Variants in TPX2 observed in about 807,000 individuals in gnomAD.
TPX2 encodes the protein TPX2 microtubule nucleation factor.
Under a neutral mutation model 93.6 loss-of-function variants are expected in TPX2, and 21 were observed. The ratio of observed to expected loss-of-function variants is 0.22; its 90% CI spans 0.16 to 0.32. The LOEUF is 0.32. TPX2 is among the 10% of genes least tolerant of loss of function. The pLI is 1.00. For missense variants in TPX2, 776 were observed against 871.1 expected (o/e 0.89, Z 1.37); for synonymous variants, 281 against 298.3 (o/e 0.94, Z 0.60).
chr20:31,782,439 C>G, intron 11 of TPX2, 49 bp downstream of exon 11: 1 of 1,554,974 alleles, frequency 6.4e-7, no homozygotes, highest in Non-Finnish European at 8.7e-7. Context: ...AACCTGCCTA[C>G]TTTATTTTCA....
chr20:31,789,955 C>A (rs914617138), intron 12 of TPX2, among the ~76,000 whole-genome samples: 10 of 152,274 alleles, frequency 6.6e-5, no homozygotes, highest in Non-Finnish European at 1.2e-4. Context: ...TATTAAAAAA[C>A]CCCAAGGCCT....
At chr20:31,775,820 G>C in intron 7 of TPX2, 47 bp from the exon 8 acceptor site, 1 of 1,425,474 alleles carries the variant, frequency 7.0e-7, no homozygotes, top group Non-Finnish European at 9.2e-7. Flanking sequence ...GAGTCACTGG[G>C]TGCCTTTCTC....
At chr20:31,748,765 TA>T (rs2061799823) in intron 2 of TPX2, among the ~76,000 whole-genome samples, 1 of 152,190 alleles carries the variant, frequency 6.6e-6, no homozygotes, top group Non-Finnish European at 1.5e-5. Context: ...TCCTTGTTTA[TA>T]AAATGGTGAT....
intron 1 of TPX2, among the ~76,000 whole-genome samples, chr20:31,741,600 TCCCAAGTAGCTGG>T (rs1174126659): frequency 2.0e-5 from 3 of 152,290 alleles, no homozygotes; most frequent in African/African-American, 4.8e-5. Flanking sequence ...TGCCTCAGCC[TCCCAAGTAGCTGG>T]GACTACAGGC....
At chr20:31,743,822 G>A (rs1162324820) in intron 2 of TPX2, among the ~76,000 whole-genome samples, 2 of 151,552 alleles carry the variant, frequency 1.3e-5, no homozygotes, top group African/African-American at 2.4e-5. Context: ...CGCCTCCCAG[G>A]TTCAGGCGAT....
At chr20:31,759,974 C>CTTT in intron 3 of TPX2, 83 bp from the exon 4 acceptor site, 1 of 1,566,712 alleles carries the variant, frequency 6.4e-7, no homozygotes, top group Non-Finnish European at 8.6e-7. Context: ...TGGTAGGGAG[C>CTTT]TTTAGTTTGC....
chr20:31,749,221 C>T (rs2061803232), intron 2 of TPX2, among the ~76,000 whole-genome samples: 1 of 152,134 alleles, frequency 6.6e-6, no homozygotes, highest in Admixed American at 6.5e-5. Flanking sequence ...GCTGGGATTA[C>T]AGGCGTGAGC....
chr20:31,765,600 T>C (rs902963325), intron 4 of TPX2, among the ~76,000 whole-genome samples: 49 of 152,144 alleles, frequency 3.2e-4, no homozygotes, highest in African/African-American at 1.1e-3. Flanking sequence ...CTATTTTAAC[T>C]TGTGCTGTGG....
intron 3 of TPX2, among the ~76,000 whole-genome samples, chr20:31,758,200 G>A (rs952574329): frequency 1.0e-4 from 15 of 144,432 alleles, no homozygotes; most frequent in Admixed American, 7.3e-5. Flanking sequence ...TCAGCTCACT[G>A]TAACCTCCGC....
chr20:31,781,211 ATTCTGT>A (rs2123053971), intron 10 of TPX2, among the ~76,000 whole-genome samples: 1 of 147,888 alleles, frequency 6.8e-6, no homozygotes, highest in East Asian at 2.0e-4. Flanking sequence ...GGTTTGAGCC[ATTCTGT>A]TCAGGCTTTA....
At chr20:31,769,220 AC>A (rs1484187612) in intron 5 of TPX2, among the ~76,000 whole-genome samples, 3 of 150,130 alleles carry the variant, frequency 2.0e-5, no homozygotes, top group Non-Finnish European at 3.0e-5. Context: ...AAAAAAAAAA[AC>A]CACAAAATTT....
intron 7 of TPX2, among the ~76,000 whole-genome samples, chr20:31,773,776 T>C (rs918389664): frequency 6.6e-6 from 1 of 152,250 alleles, no homozygotes; most frequent in Admixed American, 6.5e-5. Flanking sequence ...AGTGATGTTA[T>C]GATTCATGAC....
At chr20:31,799,398 ATATAT>A (rs1285846335) in intron 17 of TPX2, among the ~76,000 whole-genome samples, 1 of 152,238 alleles carries the variant, frequency 6.6e-6, no homozygotes, top group Admixed American at 6.5e-5. Flanking sequence ...GTAGTTAATG[ATATAT>A]TGTATTCTTG....
intron 4 of TPX2, among the ~76,000 whole-genome samples, chr20:31,765,281 G>C (rs2061917395): frequency 7.7e-6 from 1 of 129,650 alleles, no homozygotes; most frequent in African/African-American, 3.0e-5. Context: ...AATATACTGA[G>C]ACCCCCATCT....
At chr20:31,741,115 C>A (rs2061750667) in intron 1 of TPX2, among the ~76,000 whole-genome samples, 2 of 152,202 alleles carry the variant, frequency 1.3e-5, no homozygotes, top group South Asian at 4.1e-4. Context: ...TCTTTAGTTA[C>A]CAGGAGATGT....
intron 4 of TPX2, among the ~76,000 whole-genome samples, chr20:31,762,640 G>A (rs765480761): frequency 2.0e-5 from 3 of 151,942 alleles, no homozygotes; most frequent in East Asian, 1.9e-4. Context: ...ATGAACCACC[G>A]CCCTCGGCCT....
intron 8 of TPX2, among the ~76,000 whole-genome samples, chr20:31,777,044 G>A (rs2062004729): frequency 6.6e-6 from 1 of 152,192 alleles, no homozygotes; most frequent in African/African-American, 2.4e-5. Context: ...CGGGCATAGA[G>A]TTGTTATTGG....
intron 5 of TPX2, among the ~76,000 whole-genome samples, chr20:31,768,902 AT>A (rs1436821657): frequency 2.0e-5 from 3 of 152,114 alleles, no homozygotes; most frequent in African/African-American, 7.2e-5. Flanking sequence ...CAGCAATCTT[AT>A]TTTTTTTAGA....
At chr20:31,751,385 A>G (rs2061818628) in intron 2 of TPX2, among the ~76,000 whole-genome samples, 1 of 152,076 alleles carries the variant, frequency 6.6e-6, no homozygotes, top group African/African-American at 2.4e-5. Context: ...TGGGAATCCA[A>G]GATTTTCCCA....
Sources: allele counts gnomAD v4.1 joint callset (sites outside exome capture counted in the v4.1 genomes callset), GRCh38; gene constraint gnomAD v4.1.1; transcripts MANE v1.5; gene names NCBI Gene and HGNC (gene_info 2026-07-23, HGNC 2026-07-21).